Variants in NAV2 observed in about 807,000 individuals in gnomAD.
NAV2 encodes the protein helicase, APC down-regulated 1.
A neutral mutation model predicts 223.2 loss-of-function variants in NAV2; 54 were observed. The ratio of observed to expected loss-of-function variants is 0.24; its 90% CI spans 0.19 to 0.30. The LOEUF is 0.30. Among genes scored for constraint, NAV2 ranks in the 10% least tolerant of loss-of-function variants. The pLI, the probability that NAV2 is intolerant of heterozygous loss-of-function variation, is 1.00. For missense variants in NAV2, 2,806 were observed against 3,147.5 expected, an observed-to-expected ratio of 0.89 and a Z score of 2.60; for synonymous variants, 1,279 against 1,239.3, an observed-to-expected ratio of 1.03 and a Z score of -0.67.
intron 11 of NAV2, among the ~76,000 whole-genome samples, chr11:20,002,182 C>T (rs2052615852): frequency 6.6e-6 from 1 of 152,194 alleles, no homozygotes; most frequent in Non-Finnish European, 1.5e-5. Context: ...CATGACTAAT[C>T]ACCTTCCAAA....
At chr11:19,955,045 C>T (rs2047731900) in intron 10 of NAV2, among the ~76,000 whole-genome samples, 1 of 151,986 alleles carries the variant, frequency 6.6e-6, no homozygotes, top group Non-Finnish European at 1.5e-5. Flanking sequence ...AGGGTCAAAT[C>T]TGTCTTGAAT....
chr11:19,703,253 G>A (rs1466178238), intron 1 of NAV2, among the ~76,000 whole-genome samples: 3 of 152,122 alleles, frequency 2.0e-5, no homozygotes, highest in Admixed American at 6.5e-5. Flanking sequence ...AGTTAACTCT[G>A]CTCCAAATCC....
At chr11:19,935,244 C>T (rs894558) in intron 7 of NAV2, among the ~76,000 whole-genome samples, 25,070 of 152,138 alleles carry the variant, frequency 0.16, 2,731 homozygotes, top group East Asian at 0.37. Context: ...ATAACTAATA[C>T]TTGTACACAC....
intron 1 of NAV2, among the ~76,000 whole-genome samples, chr11:19,567,776 C>G (rs1590552309): frequency 6.6e-6 from 1 of 152,152 alleles, no homozygotes; most frequent in Non-Finnish European, 1.5e-5. Flanking sequence ...CATTTCCTCA[C>G]TTTACCCTCT....
intron 11 of NAV2, among the ~76,000 whole-genome samples, chr11:19,987,902 T>A (rs530443141): frequency 6.6e-6 from 1 of 152,220 alleles, no homozygotes; most frequent in East Asian, 1.9e-4. Flanking sequence ...AGGCTCCAGA[T>A]AACAGACAGA....
At chr11:19,515,160 C>T (rs141891778) in intron 1 of NAV2, among the ~76,000 whole-genome samples, 19 of 152,158 alleles carry the variant, frequency 1.2e-4, no homozygotes, top group Non-Finnish European at 1.5e-5. Flanking sequence ...ATATTCTTAA[C>T]CTCATATAGC....
intron 1 of NAV2, among the ~76,000 whole-genome samples, chr11:19,689,951 T>A (rs555956456): frequency 6.6e-6 from 1 of 152,300 alleles, no homozygotes; most frequent in East Asian, 1.9e-4. Flanking sequence ...GTTGACTTGA[T>A]TCATTTACAT....
At chr11:19,543,298 G>A (rs903394564) in intron 1 of NAV2, among the ~76,000 whole-genome samples, 1 of 152,142 alleles carries the variant, frequency 6.6e-6, no homozygotes, top group Non-Finnish European at 1.5e-5. Flanking sequence ...GGAAGTTTGG[G>A]CTTCCTGCTG....
chr11:19,869,721 T>G (rs1356757031), intron 4 of NAV2, among the ~76,000 whole-genome samples: 1 of 152,176 alleles, frequency 6.6e-6, no homozygotes, highest in African/African-American at 2.4e-5. Context: ...TGCCTCCAGT[T>G]TTCCCAGAAC....
chr11:19,602,565 A>G (rs1404426025), intron 1 of NAV2, among the ~76,000 whole-genome samples: 2 of 152,222 alleles, frequency 1.3e-5, no homozygotes, highest in Non-Finnish European at 2.9e-5. Flanking sequence ...AAGACAACAG[A>G]AATTTATTCT....
chr11:20,066,664 C>A (rs141005498), intron 20 of NAV2, among the ~76,000 whole-genome samples: 45 of 152,234 alleles, frequency 3.0e-4, no homozygotes, highest in South Asian at 1.0e-3. Context: ...ATGTGCCCTG[C>A]GAGTTCTAAT....
chr11:19,435,288 G>T (rs193202346), intron 1 of NAV2, among the ~76,000 whole-genome samples: 2 of 152,002 alleles, frequency 1.3e-5, no homozygotes, highest in Admixed American at 6.6e-5. Context: ...TATGAGTCTG[G>T]CTTTTTTGGA....
At chr11:19,748,192 G>A (rs1048541439) in intron 1 of NAV2, among the ~76,000 whole-genome samples, 1 of 152,190 alleles carries the variant, frequency 6.6e-6, no homozygotes, top group African/African-American at 2.4e-5. Flanking sequence ...TTGTTCAGAG[G>A]CCCTTATAGA....
At chr11:19,708,702 C>G (rs1460447445), upstream of NAV2, among the ~76,000 whole-genome samples, 1 of 152,090 alleles carries the variant, frequency 6.6e-6, no homozygotes, top group African/African-American at 2.4e-5. Flanking sequence ...GCTCTTAGAA[C>G]CAGGGAACTA....
intron 32 of NAV2, 93 bp from the exon 33 acceptor site, chr11:20,103,162 C>T (rs536058607): frequency 3.2e-6 from 4 of 1,256,852 alleles, no homozygotes; most frequent in East Asian, 4.7e-5. Context: ...TTTCTGCCTC[C>T]ACTGGCCTGG....
chr11:19,470,532 C>G (rs1440465769), intron 1 of NAV2, among the ~76,000 whole-genome samples: 2 of 152,176 alleles, frequency 1.3e-5, no homozygotes, highest in Non-Finnish European at 1.5e-5. Flanking sequence ...GAGCCAAACT[C>G]ACTTTTATAA....
intron 1 of NAV2, among the ~76,000 whole-genome samples, chr11:19,520,088 C>T (rs1309184906): frequency 6.6e-6 from 1 of 152,230 alleles, no homozygotes; most frequent in Non-Finnish European, 1.5e-5. Flanking sequence ...CCTTTCTTTG[C>T]TGGACCAAAG....
At chr11:20,068,117 C>T in intron 20 of NAV2, 69 bp from the exon 21 acceptor site, 1 of 1,350,210 alleles carries the variant, frequency 7.4e-7, no homozygotes, top group East Asian at 2.3e-5. Context: ...ATATGGTGTT[C>T]CCGATGGGCT....
chr11:19,792,293 G>C (rs1391571915), intron 1 of NAV2, among the ~76,000 whole-genome samples: 1 of 152,202 alleles, frequency 6.6e-6, no homozygotes, highest in Non-Finnish European at 1.5e-5. Flanking sequence ...TCTTCTGGAA[G>C]TCAAAGCTCT....
Sources: allele counts gnomAD v4.1 joint callset (sites outside exome capture counted in the v4.1 genomes callset), GRCh38; gene constraint gnomAD v4.1.1; transcripts MANE v1.5; gene names NCBI Gene and HGNC (gene_info 2026-07-23, HGNC 2026-07-21).